Variants in RIOK1 observed in about 807,000 individuals in gnomAD.
RIOK1 encodes RIO kinase 1.
RIOK1 carries 66 observed loss-of-function variants against 73.5 expected under a neutral mutation model. That is an observed-to-expected ratio of 0.90 (90% CI 0.74 to 1.10). The LOEUF is 1.10. Among genes scored for constraint, RIOK1 ranks in the 50% least tolerant of loss-of-function variants. RIOK1 has a pLI of 0.00. For missense variants in RIOK1, 658 were observed against 699.8 expected (o/e 0.94, Z 0.67); for synonymous variants, 224 against 226.8 (o/e 0.99, Z 0.11).
Position 7,417,987 on chromosome 6 carries a change from G to A in RIOK1, c.*546G>A, listed in dbSNP as rs944453496. The A allele has an allele frequency of 1.3e-5, 2 of 152,130 alleles. No homozygotes were observed. Among genetic ancestry groups the A allele is most frequent in the East Asian group, 3.9e-4 (2 of 5,192 alleles). The allele number at this position is 152,130 out of a possible 1,614,324, so 9.4% of individuals were successfully genotyped here. The stretch of plus-strand genomic sequence containing the variant: ...AATGCTCTTACACTTCGTCTTTAAT[G>A]TTCTTTTTGGAGTTAGGACCTCTCA... On this transcript the variant is annotated 3_prime_UTR_variant, in exon 17 of 17. Transcript: ENST00000379834.
chr6:7,417,057 A>C (rs1247013075), intron 16 of RIOK1, among the ~76,000 whole-genome samples: 4 of 151,866 alleles, frequency 2.6e-5, no homozygotes, highest in African/African-American at 9.7e-5. Context: ...CAGCCTGTGC[A>C]ATCTGGCGAA....
At chr6:7,402,276 A>T (rs1025098791) in intron 6 of RIOK1, among the ~76,000 whole-genome samples, 4 of 152,238 alleles carry the variant, frequency 2.6e-5, no homozygotes, top group African/African-American at 9.6e-5. Context: ...CAATTGTAAG[A>T]CAATGGTAAA....
intron 16 of RIOK1, among the ~76,000 whole-genome samples, chr6:7,416,915 T>G (rs1762018031): frequency 1.3e-5 from 2 of 152,182 alleles, no homozygotes; most frequent in South Asian, 4.1e-4. Context: ...CTCACTTTTA[T>G]TCTTCTATGT....
rs570703979 is a variant in RIOK1, at chr6:7,406,088, C to T, written c.1203+733C>T. Among the ~76,000 whole-genome samples, 5 of 151,914 alleles carry T rather than the reference C, an allele frequency of 3.3e-5. No individual in the cohort carries two copies. In the South Asian group the frequency reaches 8.3e-4, roughly 25 times the overall value. ...TCTTGGTTCACTGCAACCTCTGCCCCTCAGGGTCAAGTGATCCTCCCAGCT... is the reference window on the plus strand; with the variant it reads ...TCTTGGTTCACTGCAACCTCTGCCCTTCAGGGTCAAGTGATCCTCCCAGCT... On this transcript the variant is annotated intron_variant, in intron 12 of 16. Coordinates refer to ENST00000379834, the MANE Select transcript of RIOK1 (RefSeq NM_031480.3).
intron 14 of RIOK1, among the ~76,000 whole-genome samples, chr6:7,412,313 A>G (rs906097329): frequency 6.6e-6 from 1 of 150,984 alleles, no homozygotes; most frequent in African/African-American, 2.4e-5. Flanking sequence ...GTGAGCTGAG[A>G]TTGCGCCATT....
At chr6:7,390,386 ATACT>A (rs770176267) in intron 1 of RIOK1, among the ~76,000 whole-genome samples, 9 of 152,326 alleles carry the variant, frequency 5.9e-5, no homozygotes, top group East Asian at 1.9e-4. Flanking sequence ...CGTTCAACAA[ATACT>A]TACTAAGCAC....
At chr6:7,403,303 A>C (rs1761657943) in intron 8 of RIOK1, among the ~76,000 whole-genome samples, 1 of 152,200 alleles carries the variant, frequency 6.6e-6, no homozygotes, top group Non-Finnish European at 1.5e-5. Flanking sequence ...GGAGTTTTCG[A>C]CTAATCTTGT....
chr6:7,408,865 G>A (rs561129686), intron 12 of RIOK1, among the ~76,000 whole-genome samples: 320 of 150,800 alleles, frequency 2.1e-3, no homozygotes, highest in African/African-American at 7.4e-3. Context: ...GGGATTACAG[G>A]CATGCGCCCC....
At chr6:7,401,246 C>CT (rs1761604655) in intron 6 of RIOK1, among the ~76,000 whole-genome samples, 196 bp downstream of exon 6, 1 of 152,198 alleles carries the variant, frequency 6.6e-6, no homozygotes, top group Non-Finnish European at 1.5e-5. Context: ...ATCATTGAGT[C>CT]TAACTAGTTG....
At position 7,404,512 on chromosome 6, in the gene RIOK1, G is replaced by A. The variant is rs1463941688; in HGVS notation, c.949G>A (p.Asp317Asn). 5 of 1,614,146 alleles carry A rather than the reference G, an allele frequency of 3.1e-6. No homozygotes were observed. Among genetic ancestry groups the A allele is most frequent in the Non-Finnish European group, 3.4e-6 (4 of 1,180,016 alleles). The change falls in exon 10 of 17, where the codon GAT becomes AAT. Residue 317 changes from aspartate (D) to asparagine (N), a missense_variant. Physicochemically the swap from Asp to Asn is conservative, Grantham distance 23 (BLOSUM62 1). Coordinates refer to ENST00000379834, the MANE Select transcript of RIOK1 (RefSeq NM_031480.3). The part of the protein sequence containing the change: ...VIQYMRRMYQ[D>N]ARLVHADLSE... ...TCAGTACATGAGAAGAATGTATCAG[G>A]ATGCCAGACTTGTCCATGCAGATCT...
intron 1 of RIOK1, among the ~76,000 whole-genome samples, chr6:7,391,765 A>G (rs955102909): frequency 3.7e-4 from 57 of 152,286 alleles, no homozygotes; most frequent in African/African-American, 1.3e-3. Context: ...TAAAAATCCT[A>G]CAGTGCAGAA....
intron 1 of RIOK1, among the ~76,000 whole-genome samples, chr6:7,390,456 C>A (rs1761303067): frequency 6.6e-6 from 1 of 152,244 alleles, no homozygotes; most frequent in African/African-American, 2.4e-5. Flanking sequence ...GAACCAACTT[C>A]CTGCTGTCAT....
chr6:7,404,010 C>T lies in RIOK1; in HGVS notation c.837C>T (p.Phe279=). The change falls in exon 9 of 17, where the codon TTC becomes TTT. Residue 279 remains phenylalanine, a synonymous_variant. Coordinates refer to ENST00000379834, the MANE Select transcript of RIOK1 (RefSeq NM_031480.3). ...MLRSHVLVMS[F]IGKDDMPAPL... ...GAAGTCATGTTCTTGTCATGAGTTT[C>T]ATCGGTAAAGATGACATGTAAGTAC... 3 of 1,609,856 alleles carry T rather than the reference C, an allele frequency of 1.9e-6. No individual in the cohort carries two copies. In the Middle Eastern group the frequency reaches 5.0e-4, roughly 266 times the overall value.
chr6:7,399,100 G>C (rs1235264570), intron 5 of RIOK1, among the ~76,000 whole-genome samples: 2 of 152,218 alleles, frequency 1.3e-5, no homozygotes, highest in Admixed American at 6.5e-5. Context: ...GTGTAAAAGA[G>C]AGAGGGGCAG....
Position 7,414,393 on chromosome 6 carries a change from A to G in RIOK1, c.1596+3A>G. The G allele has an allele frequency of 6.3e-7, 1 of 1,597,678 alleles. No homozygotes were observed. Among genetic ancestry groups the G allele is most frequent in the Non-Finnish European group, 8.5e-7 (1 of 1,175,156 alleles). On this transcript the variant is annotated splice_donor_region_variant and intron_variant, in intron 16 of 16. Coordinates refer to ENST00000379834, the MANE Select transcript of RIOK1 (RefSeq NM_031480.3). ...CGGACCCTGACATTGATAAAAAAGT[A>G]AGCAATGAAATACCTTCCCCTTTTC...
intron 2 of RIOK1, 37 bp downstream of exon 2, chr6:7,393,340 C>G: frequency 6.6e-7 from 1 of 1,524,846 alleles, no homozygotes; most frequent in African/African-American, 1.4e-5. Context: ...TTTATGTAGT[C>G]TGCTTATGTC....
intron 8 of RIOK1, 37 bp downstream of exon 8, chr6:7,402,934 C>T: frequency 6.3e-7 from 1 of 1,575,910 alleles, no homozygotes; most frequent in Non-Finnish European, 8.7e-7. Context: ...TGTCCTATGC[C>T]CTGTACATGA....
chr6:7,407,995 T>C (rs1310908934), intron 12 of RIOK1, among the ~76,000 whole-genome samples: 2 of 152,244 alleles, frequency 1.3e-5, no homozygotes, highest in Non-Finnish European at 2.9e-5. Context: ...CTCTGAATCA[T>C]AGAGTTTTGA....
chr6:7,405,390 G>A lies in RIOK1; in HGVS notation c.1203+35G>A, dbSNP rs762174291. 8 of 1,208,120 alleles carry A rather than the reference G, an allele frequency of 6.6e-6. No individual in the cohort carries two copies. In the East Asian group the frequency reaches 1.6e-4, roughly 25 times the overall value. 74.8% of individuals were successfully genotyped at this position (1,208,120 alleles called of 1,614,324 possible). A position where few individuals can be genotyped will look rare whatever the true frequency, so the allele number is the denominator to read the frequency against. On this transcript the variant is annotated intron_variant, in intron 12 of 16. Coordinates refer to ENST00000379834, the MANE Select transcript of RIOK1 (RefSeq NM_031480.3). ...GGAGAGGAAGGAGGAATAGGAAATA[G>A]CAGTACAGGTGCAGTATCTCTTATC...
Sources: allele counts gnomAD v4.1 joint callset (sites outside exome capture counted in the v4.1 genomes callset), GRCh38; gene constraint gnomAD v4.1.1; transcripts MANE v1.5; gene names NCBI Gene and HGNC (gene_info 2026-07-23, HGNC 2026-07-21).